RANBP2: variants seen among roughly 807,000 people sequenced by gnomAD.
The protein encoded by RANBP2 is E3 SUMO-protein ligase RanBP2.
In RANBP2, 57 loss-of-function variants were observed where a neutral mutation model predicts 303.6. The observed-to-expected ratio is 0.19, with a 90% CI of 0.15 to 0.23. The LOEUF (loss-of-function observed/expected upper bound fraction) is 0.23, where lower values mean the gene tolerates loss of function less well. Ranked by LOEUF, RANBP2 falls within the 10% of genes least tolerant of loss-of-function variation. RANBP2 has a pLI of 1.00. For synonymous variants in RANBP2, 1,167 were observed against 1,301.5 expected, an observed-to-expected ratio of 0.90 and a Z score of 2.23; for missense variants, 3,138 against 3,780.8, an observed-to-expected ratio of 0.83 and a Z score of 4.46.
the RANBP2 span, among the ~76,000 whole-genome samples, chr2:108,937,583 AGT>A: frequency 1.3e-5 from 2 of 150,792 alleles, no homozygotes; most frequent in African/African-American, 2.4e-5. Flanking sequence ...CTTATGTGTA[AGT>A]GTATTTGTAT....
chr2:108,793,658 G>A, the RANBP2 span, among the ~76,000 whole-genome samples: 7 of 151,030 alleles, frequency 4.6e-5, no homozygotes, highest in Non-Finnish European at 4.4e-5. Flanking sequence ...GTGCAGTAGC[G>A]CGATCTGGGC....
chr2:109,457,070 C>T, the RANBP2 span, among the ~76,000 whole-genome samples: 1 of 152,228 alleles, frequency 6.6e-6, no homozygotes, highest in Admixed American at 6.5e-5. Flanking sequence ...TTCGAGCAAG[C>T]TTCTCCACCT....
the RANBP2 span, among the ~76,000 whole-genome samples, chr2:109,500,541 G>T: frequency 6.6e-6 from 1 of 152,206 alleles, no homozygotes; most frequent in Non-Finnish European, 1.5e-5. Context: ...CCCAAGTCTT[G>T]TGGAAATGAG....
At chr2:109,376,540 CA>C in the RANBP2 span, among the ~76,000 whole-genome samples, 3 of 152,096 alleles carry the variant, frequency 2.0e-5, no homozygotes, top group South Asian at 6.2e-4. Context: ...AAAAATAGTT[CA>C]AAAAAATGAT....
chr2:109,499,852 C>G, the RANBP2 span, among the ~76,000 whole-genome samples: 2,564 of 152,278 alleles, frequency 0.017, 85 homozygotes, highest in African/African-American at 0.057. Flanking sequence ...GGCAACATAA[C>G]TGACATTTGC....
chr2:108,753,531 A>G lies in RANBP2; in HGVS notation c.2023A>G (p.Lys675Glu), dbSNP rs754073152. 1.3e-5 allele frequency: 21 copies of G among 1,611,726 alleles called. No homozygotes were observed. The highest frequency in any genetic ancestry group is 1.8e-5 in the Non-Finnish European group (21 of 1,179,820). Residue 675 changes from lysine to glutamate, a missense_variant, in exon 14 of 29, where the codon AAA becomes GAA. By Grantham distance (56) the Lys-to-Glu change is moderately conservative (BLOSUM62 1). This residue lies in a region of RANBP2 where 194 missense variants were observed against 197.4 expected (regional missense o/e 0.98). Transcript: ENST00000283195. ...EDAVTAFESI[K>E]SVVSYWNLAL... ...TGCTGTGACTGCTTTTGAATCTATA[A>G]AAAGTGTTGTTTCTTATTGGAATCT... is the stretch of plus-strand genomic sequence containing the variant.
At chr2:109,573,512 A>AAACCAGGGGACCAAGCC in the RANBP2 span, among the ~76,000 whole-genome samples, 1 of 152,184 alleles carries the variant, frequency 6.6e-6, no homozygotes. Flanking sequence ...ATTTTTGCTA[A>AAACCAGGGGACCAAGCC]AACCAGGGGA....
At chr2:108,804,818 C>T in the RANBP2 span, 1 of 1,316,034 alleles carries the variant, frequency 7.6e-7, no homozygotes, top group Middle Eastern at 2.0e-4. Context: ...GTAATTAATT[C>T]ACGTTCCATA....
the RANBP2 span, among the ~76,000 whole-genome samples, chr2:109,195,929 A>G: frequency 6.6e-6 from 1 of 151,932 alleles, no homozygotes; most frequent in Non-Finnish European, 1.5e-5. Flanking sequence ...CTGACTGAGC[A>G]CCTCGCCCTG....
chr2:109,333,877 A>G, the RANBP2 span, among the ~76,000 whole-genome samples: 1 of 152,208 alleles, frequency 6.6e-6, no homozygotes, highest in African/African-American at 2.4e-5. Flanking sequence ...TGATATAATA[A>G]TGATATCACC....
the RANBP2 span, among the ~76,000 whole-genome samples, chr2:109,352,167 G>A: frequency 6.6e-6 from 1 of 152,182 alleles, no homozygotes; most frequent in Non-Finnish European, 1.5e-5. Flanking sequence ...TAAAACCCAA[G>A]CTCAAAATAG....
the RANBP2 span, among the ~76,000 whole-genome samples, chr2:109,248,928 T>TCTTGC: frequency 1.3e-5 from 2 of 151,306 alleles, no homozygotes; most frequent in Admixed American, 1.3e-4. Context: ...TCCTGTCCTG[T>TCTTGC]CCTGTCTTGC....
chr2:109,137,399 C>T, the RANBP2 span, among the ~76,000 whole-genome samples: 2 of 152,218 alleles, frequency 1.3e-5, no homozygotes, highest in Non-Finnish European at 2.9e-5. Context: ...CAGCACCTTT[C>T]AGAGAAGCTG....
chr2:109,201,060 C>A, the RANBP2 span, among the ~76,000 whole-genome samples: 2 of 152,168 alleles, frequency 1.3e-5, no homozygotes, highest in Non-Finnish European at 1.5e-5. Context: ...GAGCTCCAGG[C>A]TGAAGCAGCC....
At chr2:109,528,189 C>T in the RANBP2 span, among the ~76,000 whole-genome samples, 7,286 of 152,186 alleles carry the variant, frequency 0.048, 591 homozygotes, top group African/African-American at 0.16. Flanking sequence ...TGATGCCCCA[C>T]GTCACCAGGT....
intron 4 of RANBP2, among the ~76,000 whole-genome samples, chr2:108,734,609 A>G (rs1255578840): frequency 3.3e-5 from 5 of 151,748 alleles, no homozygotes; most frequent in Admixed American, 2.0e-4. Context: ...ATATGTGTTT[A>G]CAGGTGTTTA....
chr2:109,036,635 C>T, the RANBP2 span, among the ~76,000 whole-genome samples: 1 of 152,088 alleles, frequency 6.6e-6, no homozygotes, highest in Admixed American at 6.6e-5. Context: ...ATCCTATGCC[C>T]ATTCACGGTA....
At chr2:109,520,598 C>CAAAAAAAAAAAAAAAAAAAAAAAAA in the RANBP2 span, among the ~76,000 whole-genome samples, 1 of 50,100 alleles carries the variant, frequency 2.0e-5, no homozygotes, top group Non-Finnish European at 4.0e-5. Context: ...GACTCCATCT[C>CAAAAAAAAAAAAAAAAAAAAAAAAA]AAAAAAAAAA....
the RANBP2 span, chr2:109,615,840 GGCAAAGCCAAGGATCCAGGGC>G: frequency 5.0e-6 from 8 of 1,614,164 alleles, no homozygotes; most frequent in Non-Finnish European, 6.8e-6. Flanking sequence ...GTGGGTCGGA[GGCAAAGCCAAGGATCCAGGGC>G]GCAAAGCCTC....
Sources: gnomAD v4.1 joint callset for allele counts (sites outside exome capture counted in the v4.1 genomes callset) on GRCh38, gnomAD v4.1.1 for gene constraint, gnomAD v4.1.1 regional missense constraint, MANE v1.5 for transcripts, NCBI Gene and HGNC (gene_info 2026-07-23, HGNC 2026-07-21) for gene names.